Variants in WDR62 observed in about 807,000 individuals in gnomAD.
The protein encoded by WDR62 is WD repeat-containing protein 62.
A neutral mutation model predicts 160.6 loss-of-function variants in WDR62; 112 were observed. The observed-to-expected ratio is 0.70, with a 90% CI of 0.60 to 0.82. WDR62 has a LOEUF of 0.82. Ranked by LOEUF, WDR62 falls within the 40% of genes least tolerant of loss-of-function variation. WDR62 has a pLI of 0.00. For missense variants in WDR62, 1,819 were observed against 1,983.8 expected, an observed-to-expected ratio of 0.92 and a Z score of 1.58; for synonymous variants, 792 against 815.1, an observed-to-expected ratio of 0.97 and a Z score of 0.48.
chr19:36,059,461 C>CA (rs557430373), intron 2 of WDR62, among the ~76,000 whole-genome samples: 174 of 152,210 alleles, frequency 1.1e-3, no homozygotes, highest in African/African-American at 4.0e-3. Context: ...TTTTTTGAGA[C>CA]AGAGTCTGGC....
chr19:36,100,412 C>T (rs1266769839), intron 22 of WDR62, among the ~76,000 whole-genome samples: 1 of 152,214 alleles, frequency 6.6e-6, no homozygotes, highest in Admixed American at 6.5e-5. Flanking sequence ...TTTTCTACCT[C>T]ATAGAAACCC....
At chr19:36,101,372 C>T (rs1054542799) in intron 24 of WDR62, 55 bp downstream of exon 24, 87 of 1,470,232 alleles carry the variant, frequency 5.9e-5, no homozygotes, top group Non-Finnish European at 7.4e-5. Flanking sequence ...AGCCAAGCCC[C>T]TTTCTGGGCA....
rs1320336247 is a variant in WDR62, at chr19:36,102,777, A to G, written c.3261A>G (p.Glu1087=). Residue 1087 remains glutamate (E), a synonymous_variant, in exon 27 of 32, where the codon GAA becomes GAG. Transcript: ENST00000401500. The part of the protein sequence containing the change: ...PAALGDVEAS[E]AEDHFFNPRL... ...CTCTGGGAGACGTGGAGGCCTCTGA[A>G]GCTGAAGACCACTTCTTCAACCCAC... 10 of 1,614,094 alleles carry G rather than the reference A, an allele frequency of 6.2e-6. No individual in the cohort carries two copies. The highest frequency in any genetic ancestry group is 8.5e-6 in the Non-Finnish European group (10 of 1,180,046).
Position 36,099,560 on chromosome 19 carries a change from G to A in WDR62, c.2682G>A (p.Leu894=). Residue 894 remains leucine, a synonymous_variant, in exon 22 of 32, where the codon CTG becomes CTA. Transcript: ENST00000401500. Reference sequence around the variant, plus strand: ...TTACCCCCATGAAGCCCGAGAGTCTGGAGAACTCCATTCTGGATTCACTGG... The same window carrying A: ...TTACCCCCATGAAGCCCGAGAGTCTAGAGAACTCCATTCTGGATTCACTGG... The part of the protein sequence containing the change: ...CYFTPMKPES[L]ENSILDSLEP... 1 of 1,614,214 alleles carries A rather than the reference G, an allele frequency of 6.2e-7. No homozygotes were observed. Among genetic ancestry groups the A allele is most frequent in the East Asian group, 2.2e-5 (1 of 44,882 alleles).
chr19:36,096,934 TGTG>T, intron 20 of WDR62, 90 bp from the exon 21 acceptor site: 2 of 1,142,720 alleles, frequency 1.8e-6, no homozygotes, highest in South Asian at 1.3e-5. Context: ...ACTTCTGGGT[TGTG>T]GTGTTGCCTC....
chr19:36,093,915 C>G, intron 19 of WDR62, 116 bp from the exon 20 acceptor site: 1 of 1,304,754 alleles, frequency 7.7e-7, no homozygotes, highest in Non-Finnish European at 1.1e-6. Context: ...CCATCTTGAC[C>G]AGCAGCCAAG....
chr19:36,084,749 G>A lies in WDR62; in HGVS notation c.1642+5G>A, dbSNP rs1421356944. The A allele has an allele frequency of 6.2e-7, 1 of 1,612,428 alleles. No individual in the cohort carries two copies. Among genetic ancestry groups the A allele is most frequent in the Non-Finnish European group, 8.5e-7 (1 of 1,179,824 alleles). On this transcript the variant is annotated splice_donor_5th_base_variant and intron_variant, in intron 12 of 31. Coordinates refer to ENST00000401500, the MANE Select transcript of WDR62 (RefSeq NM_001083961.2). ...AGTACTCCAAGCCAGAGACGGGTGAGCCCGCAGCAGGGGTGGAATGGGGGT... is the reference window on the plus strand; with the variant it reads ...AGTACTCCAAGCCAGAGACGGGTGAACCCGCAGCAGGGGTGGAATGGGGGT...
rs957938630 is a variant in WDR62, at chr19:36,090,368, A to AG, written c.1959-75dup. 2.9e-6 allele frequency: 4 copies of AG among 1,401,312 alleles called. No individual in the cohort carries two copies. In the African/African-American group the frequency reaches 5.7e-5, roughly 20 times the overall value. 86.8% of individuals were successfully genotyped at this position (1,401,312 alleles called of 1,614,324 possible). ...TAGCAGGGGGCTTCCAGGGGAGGGG[A>AG]GGACAGCAAGAGCCAGAGAATGAGG... On this transcript the variant is annotated intron_variant, in intron 15 of 31. Coordinates refer to ENST00000401500, the MANE Select transcript of WDR62 (RefSeq NM_001083961.2).
At position 36,073,533 on chromosome 19, in the gene WDR62, T is replaced by TGTGGGGGGGGGG; in HGVS notation, c.1233+3_1233+4insTGGGGGGGGGGG. The TGTGGGGGGGGGG allele has an allele frequency of 1.2e-6, 2 of 1,607,310 alleles. No homozygotes were observed. The highest frequency in any genetic ancestry group is 2.2e-5 in the East Asian group (1 of 44,600). ...AGCTCCTACGTTTGGAACGTGGAGG[T>TGTGGGGGGGGGG]GAGCCCCCCCCCCACCCCCTTGCCC... is the stretch of plus-strand genomic sequence containing the variant. On this transcript the variant is annotated splice_region_variant and intron_variant, in intron 9 of 31. Transcript: ENST00000401500.
Position 36,102,755 on chromosome 19 carries a change from T to C in WDR62, c.3239T>C (p.Leu1080Pro). 6.2e-7 allele frequency: 1 copy of C among 1,614,208 alleles called. No homozygotes were observed. The highest frequency in any genetic ancestry group is 8.5e-7 in the Non-Finnish European group (1 of 1,180,024). ...CCCCTAGAGCTCTTCCCCGCAGCTC[T>C]GGGAGACGTGGAGGCCTCTGAAGCT... is the stretch of plus-strand genomic sequence containing the variant. ...SPCRELFPAA[L>P]GDVEASEAED... Residue 1080 changes from leucine (L) to proline (P), a missense_variant, in exon 27 of 32, where the codon CTG (leucine) becomes CCG (proline). Coordinates refer to ENST00000401500, the MANE Select transcript of WDR62 (RefSeq NM_001083961.2).
intron 20 of WDR62, among the ~76,000 whole-genome samples, chr19:36,096,176 G>A (rs1240892220): frequency 6.6e-6 from 1 of 152,144 alleles, no homozygotes; most frequent in Non-Finnish European, 1.5e-5. Flanking sequence ...CTGTAGCCTT[G>A]ACCTCCTGGG....
At chr19:36,067,798 A>G (rs1335603673) in intron 6 of WDR62, 30 bp from the exon 7 acceptor site, 6 of 1,612,182 alleles carry the variant, frequency 3.7e-6, no homozygotes, top group Non-Finnish European at 5.1e-6. Flanking sequence ...TGTGTGGACA[A>G]GTATCTCACT....
chr19:36,080,710 C>T (rs1971846027), intron 9 of WDR62, among the ~76,000 whole-genome samples: 1 of 152,168 alleles, frequency 6.6e-6, no homozygotes, highest in African/African-American at 2.4e-5. Flanking sequence ...CCACCTCAGC[C>T]TCCCAAAGTG....
chr19:36,081,608 A>G, intron 10 of WDR62, 38 bp downstream of exon 10: 2 of 1,614,000 alleles, frequency 1.2e-6, no homozygotes, highest in East Asian at 2.2e-5. Flanking sequence ...TTCAGGAGGA[A>G]CAAAGACCTA....
intron 8 of WDR62, among the ~76,000 whole-genome samples, chr19:36,072,846 T>C (rs543076597): frequency 4.6e-5 from 7 of 152,268 alleles, no homozygotes; most frequent in Admixed American, 6.5e-5. Context: ...CTAGCTCTTA[T>C]TGTGGTTGTG....
rs762202259 is a variant in WDR62 at position 36,103,356 on chromosome 19, G to A, written c.3528G>A (p.Thr1176=). The change falls in exon 30 of 32, where the codon ACG becomes ACA. Residue 1176 remains threonine, a synonymous_variant. Coordinates refer to ENST00000401500, the MANE Select transcript of WDR62 (RefSeq NM_001083961.2). ...CTTCCGTTACAGCTCCCTGCCTTACGAGCCTGGCGTCCTGTGTCCCTGCTT... is the reference window on the plus strand; with the variant it reads ...CTTCCGTTACAGCTCCCTGCCTTACAAGCCTGGCGTCCTGTGTCCCTGCTT... ...EAWRPPPPCL[T]SLASCVPASS... The A allele has an allele frequency of 4.7e-5, 76 of 1,613,856 alleles. No individual in the cohort carries two copies. The South Asian group carries it at 5.4e-4, about 11-fold the overall frequency.
chr19:36,081,835 G>A, intron 10 of WDR62: 1 of 600,118 alleles, frequency 1.7e-6, no homozygotes, highest in South Asian at 1.5e-5. Context: ...GCCACTCCCG[G>A]CAGCCCAACA....
rs766486390 is a variant in WDR62 at position 36,089,116 on chromosome 19, A to G, written c.1836+11A>G. 3.8e-6 allele frequency: 6 copies of G among 1,577,586 alleles called. No homozygotes were observed. The South Asian group carries it at 6.6e-5, about 17-fold the overall frequency. ...CGCAGTGCCCAGCAGGTAGGGTGGC[A>G]TGGCCTCCTTGGGGGCTGGGGTGGG... On this transcript the variant is annotated intron_variant, in intron 14 of 31. Coordinates refer to ENST00000401500, the MANE Select transcript of WDR62 (RefSeq NM_001083961.2).
intron 19 of WDR62, among the ~76,000 whole-genome samples, chr19:36,093,461 T>C (rs376158730): frequency 9.1e-4 from 138 of 152,366 alleles, no homozygotes; most frequent in Non-Finnish European, 1.7e-3. Context: ...ATTGCTCATT[T>C]TGAGTGGGAG....
Sources: gnomAD v4.1 joint callset for allele counts (sites outside exome capture counted in the v4.1 genomes callset) on GRCh38, gnomAD v4.1.1 for gene constraint, MANE v1.5 for transcripts, NCBI Gene and HGNC (gene_info 2026-07-23, HGNC 2026-07-21) for gene names.